Variants in TUBGCP6 observed in about 807,000 individuals in gnomAD.
The protein encoded by TUBGCP6 is tubulin gamma complex component 6.
In TUBGCP6, 161 loss-of-function variants were observed where a neutral mutation model predicts 175.8. The ratio of observed to expected loss-of-function variants is 0.92; its 90% CI spans 0.81 to 1.04. TUBGCP6 has a LOEUF of 1.04. TUBGCP6 is among the 50% of genes least tolerant of loss of function. The pLI is 0.00. For missense variants in TUBGCP6, 2,572 were observed against 2,433.0 expected (o/e 1.06, Z -1.20); for synonymous variants, 1,173 against 1,030.5 (o/e 1.14, Z -2.65).
rs763433603 is a variant in TUBGCP6, at chr22:50,218,685, G to GC, written c.4821+17dup. ...GCAGGCCCCTGTCCCATCCCCCGCG[G>GC]CCAGGGCTGCTGCTGACCTTGTACC... is the stretch of plus-strand genomic sequence containing the variant. On this transcript the variant is annotated intron_variant, in intron 21 of 24. Coordinates refer to ENST00000248846, the MANE Select transcript of TUBGCP6 (RefSeq NM_020461.4). The GC allele has an allele frequency of 1.5e-4, 249 of 1,613,284 alleles. No individual in the cohort carries two copies. Among genetic ancestry groups the GC allele is most frequent in the Non-Finnish European group, 2.0e-4 (234 of 1,179,686 alleles).
intron 1 of TUBGCP6, among the ~76,000 whole-genome samples, chr22:50,241,982 T>TAAA: frequency 3.6e-5 from 1 of 27,944 alleles, no homozygotes; most frequent in South Asian, 2.0e-3. Flanking sequence ...AGACTCCATC[T>TAAA]CAAAAAAAAA....
At position 50,220,788 on chromosome 22, in the gene TUBGCP6, C is replaced by G. The variant is rs756429894; in HGVS notation, c.3571G>C (p.Val1191Leu). The stretch of plus-strand genomic sequence containing the variant: ...CCCAAGCTGATGCTGGCATCAGACA[C>G]GTGTCCATGGGTGTTCCACCGTGGC... ...ARPRWNTHGH[V>L]SDASISLGES... is the part of the protein sequence containing the mutation. The change falls in exon 16 of 25, where the codon GTG becomes CTG. Residue 1191 changes from valine (V) to leucine (L), a missense_variant. Coordinates refer to ENST00000248846, the MANE Select transcript of TUBGCP6 (RefSeq NM_020461.4). 2 of 1,598,292 alleles carry G rather than the reference C, an allele frequency of 1.3e-6. No homozygotes were observed. The highest frequency in any genetic ancestry group is 1.1e-5 in the South Asian group (1 of 89,498).
chr22:50,232,317 G>A (rs1041220245), intron 3 of TUBGCP6, among the ~76,000 whole-genome samples: 10 of 150,988 alleles, frequency 6.6e-5, no homozygotes, highest in Admixed American at 4.6e-4. Context: ...AGTGAGCCGA[G>A]ACCGTGCCAT....
At chr22:50,230,150 G>A (rs943892223) in intron 3 of TUBGCP6, among the ~76,000 whole-genome samples, 14 of 152,138 alleles carry the variant, frequency 9.2e-5, no homozygotes, top group Non-Finnish European at 1.3e-4. Flanking sequence ...CAACAGCACC[G>A]TGTATACCCT....
intron 2 of TUBGCP6, among the ~76,000 whole-genome samples, chr22:50,233,750 G>A (rs982807946): frequency 6.6e-6 from 1 of 152,120 alleles, no homozygotes; most frequent in Admixed American, 6.5e-5. Flanking sequence ...GACAACTCAT[G>A]TGGAAAGTGT....
chr22:50,218,784 G>C lies in TUBGCP6; in HGVS notation c.4740C>G (p.Leu1580=). ...LHGDTPHASN[L]SLALKYLPEV... is the part of the protein sequence containing the mutation. The stretch of plus-strand genomic sequence containing the variant: ...CGGGCAGGTACTTGAGAGCGAGGGA[G>C]AGGTTGGAGGCGTGCGGGGTGTCCC... The change falls in exon 21 of 25, where the codon CTC becomes CTG. Residue 1580 remains leucine, a synonymous_variant. Coordinates refer to ENST00000248846, the MANE Select transcript of TUBGCP6 (RefSeq NM_020461.4). 9 of 1,614,124 alleles carry C rather than the reference G, an allele frequency of 5.6e-6. No individual in the cohort carries two copies. The highest frequency in any genetic ancestry group is 7.6e-6 in the Non-Finnish European group (9 of 1,180,008).
chr22:50,233,226 G>T, intron 3 of TUBGCP6, 90 bp downstream of exon 3: 1 of 1,461,550 alleles, frequency 6.8e-7, no homozygotes, highest in East Asian at 2.5e-5. Context: ...CCTGCACTGG[G>T]GCTTGTTCTG....
In TUBGCP6 at chr22:50,225,830, C is replaced by A; in HGVS notation, c.1947G>T (p.Arg649Ser). ...DCAVYVGRMERVARHSSVSKE... is the reference protein window; with the variant it reads ...DCAVYVGRMESVARHSSVSKE... ...TGCTGACAGAGCTGTGGCGGGCCAC[C>A]CTCTCCATGCGCCCAACGTAGACGG... is the stretch of plus-strand genomic sequence containing the variant. Residue 649 changes from arginine to serine, a missense_variant, in exon 10 of 25, where the codon AGG (arginine) becomes AGT (serine). Arg to Ser is a moderately radical substitution (Grantham distance 110). Transcript: ENST00000248846. 2 of 1,613,728 alleles carry A rather than the reference C, an allele frequency of 1.2e-6. No homozygotes were observed. Among genetic ancestry groups the A allele is most frequent in the Non-Finnish European group, 1.7e-6 (2 of 1,179,928 alleles).
chr22:50,243,832 T>C lies in TUBGCP6; in HGVS notation c.628A>G (p.Thr210Ala). ...DPCGDRFERD[T>A]RVSLFGALVH... ...AGGGCCCCGAAGAGCGAGACCCGGG[T>C]GTCTCTCTCGAACCTGTCACCACAA... The change falls in exon 1 of 25, where the codon ACC becomes GCC. Residue 210 changes from threonine (T) to alanine (A), a missense_variant. Thr to Ala is a moderately conservative substitution (Grantham distance 58). Transcript: ENST00000248846. 6.2e-7 allele frequency: 1 copy of C among 1,613,514 alleles called. No individual in the cohort carries two copies. Among genetic ancestry groups the C allele is most frequent in the Non-Finnish European group, 8.5e-7 (1 of 1,179,962 alleles).
chr22:50,239,982 A>C (rs2064820132), intron 2 of TUBGCP6, among the ~76,000 whole-genome samples: 1 of 152,068 alleles, frequency 6.6e-6, no homozygotes, highest in African/African-American at 2.4e-5. Context: ...TGATCTGGTT[A>C]CTGGATGGGG....
Position 50,224,533 on chromosome 22 carries a change from G to A in TUBGCP6, c.2043C>T (p.Ser681=), listed in dbSNP as rs142854750. The stretch of plus-strand genomic sequence containing the variant: ...CACCACTCAGTGCACTCAGGACCCT[G>A]GATGCTGCTTCCCGGGCATGAGCGA... The part of the protein sequence containing the change: ...ELIAHAREAA[S]RVLSALSDRQ... The change falls in exon 11 of 25, where the codon TCC becomes TCT. Residue 681 remains serine, a synonymous_variant. Coordinates refer to ENST00000248846, the MANE Select transcript of TUBGCP6 (RefSeq NM_020461.4). The A allele has an allele frequency of 2.6e-4, 415 of 1,614,060 alleles. No homozygotes were observed. The highest frequency in any genetic ancestry group is 6.0e-4 in the Admixed American group (36 of 60,012).
chr22:50,231,081 CAAAAAAAAAA>C (rs35669469), intron 3 of TUBGCP6, among the ~76,000 whole-genome samples: 4 of 22,820 alleles, frequency 1.8e-4, no homozygotes, highest in Non-Finnish European at 3.6e-4. Context: ...GACTCTATCT[CAAAAAAAAAA>C]AAAAAAAAAA....
At chr22:50,219,479 G>C (rs377078103) in intron 18 of TUBGCP6, 23 bp from the exon 19 acceptor site, 2 of 1,593,490 alleles carry the variant, frequency 1.3e-6, no homozygotes, top group African/African-American at 1.3e-5. Context: ...GAGCACGCAC[G>C]TGCTGGGAAC....
chr22:50,231,685 C>A (rs1018606690), intron 3 of TUBGCP6, among the ~76,000 whole-genome samples: 1 of 151,712 alleles, frequency 6.6e-6, no homozygotes, highest in Non-Finnish European at 1.5e-5. Context: ...TGGTGAAACC[C>A]CGTCTCTACT....
chr22:50,237,763 G>A (rs1241212251), intron 2 of TUBGCP6, among the ~76,000 whole-genome samples: 1 of 152,230 alleles, frequency 6.6e-6, no homozygotes, highest in Admixed American at 6.5e-5. Flanking sequence ...AGGGTGATGA[G>A]GAGAGTGAGT....
At position 50,224,556 on chromosome 22, in the gene TUBGCP6, C is replaced by T. The variant is rs886572168; in HGVS notation, c.2020G>A (p.Ala674Thr). 5 of 1,614,010 alleles carry T rather than the reference C, an allele frequency of 3.1e-6. No individual in the cohort carries two copies. The highest frequency in any genetic ancestry group is 1.7e-5 in the Admixed American group (1 of 60,002). ...CTGGATGCTGCTTCCCGGGCATGAG[C>T]GATTAATTCTTGTTTTGCAATTTCC... ...RMEIAKQELI[A>T]HAREAASRVL... The change falls in exon 11 of 25, where the codon GCT becomes ACT. Residue 674 changes from alanine (A) to threonine (T), a missense_variant. By Grantham distance (58) the Ala-to-Thr change is moderately conservative. Transcript: ENST00000248846.
In TUBGCP6 at chr22:50,244,449, A is replaced by C. The variant is rs746603661; in HGVS notation, c.11T>G (p.Ile4Ser). The C allele has an allele frequency of 3.7e-5, 59 of 1,610,872 alleles. No individual in the cohort carries two copies. The highest frequency in any genetic ancestry group is 4.6e-5 in the Non-Finnish European group (54 of 1,179,110). Residue 4 changes from isoleucine to serine, a missense_variant, in exon 1 of 25, where the codon ATC becomes AGC. Coordinates refer to ENST00000248846, the MANE Select transcript of TUBGCP6 (RefSeq NM_020461.4). Reference sequence around the variant, plus strand: ...ACACAGGTCGTCGAACAGCTGCGTGATGCTGGCCATGCCCCTTCTCAGCTC... The same window carrying C: ...ACACAGGTCGTCGAACAGCTGCGTGCTGCTGGCCATGCCCCTTCTCAGCTC... MAS[I>S]TQLFDDLCEA...
intron 2 of TUBGCP6, 74 bp downstream of exon 2, chr22:50,240,130 C>A (rs575315313): frequency 3.1e-6 from 5 of 1,592,316 alleles, no homozygotes; most frequent in African/African-American, 2.7e-5. Context: ...ACAACGCCCC[C>A]CACACACCCC....
At chr22:50,220,199 G>A in intron 16 of TUBGCP6, 52 bp downstream of exon 16, 2 of 1,548,490 alleles carry the variant, frequency 1.3e-6, no homozygotes, top group Non-Finnish European at 1.8e-6. Flanking sequence ...TACCTCCCAG[G>A]CTCTGTGCGT....
Sources: allele counts gnomAD v4.1 joint callset (sites outside exome capture counted in the v4.1 genomes callset), GRCh38; gene constraint gnomAD v4.1.1; transcripts MANE v1.5; gene names NCBI Gene and HGNC (gene_info 2026-07-23, HGNC 2026-07-21).